The following TENM3 variants were observed in gnomAD, a reference collection of about 807,000 sequenced individuals.
The protein encoded by TENM3 is teneurin-3.
Under a neutral mutation model 255.1 loss-of-function variants are expected in TENM3, and 63 were observed. That is an observed-to-expected ratio of 0.25 (90% CI 0.20 to 0.30). The LOEUF (loss-of-function observed/expected upper bound fraction) is 0.30. TENM3 is among the 10% of genes least tolerant of loss of function. The pLI is 1.00. For synonymous variants in TENM3, 1,306 were observed against 1,322.3 expected, an observed-to-expected ratio of 0.99 and a Z score of 0.27; for missense variants, 2,929 against 3,461.1, an observed-to-expected ratio of 0.85 and a Z score of 3.86.
chr4:181,849,949 T>TCACACACACACACACACACACACACA, the TENM3 span, among the ~76,000 whole-genome samples: 1 of 65,906 alleles, frequency 1.5e-5, no homozygotes, highest in Non-Finnish European at 3.3e-5. Flanking sequence ...TCTCTCTCTC[T>TCACACACACACACACACACACACACA]CACACACACA....
At chr4:181,558,545 C>A in the TENM3 span, among the ~76,000 whole-genome samples, 5 of 152,146 alleles carry the variant, frequency 3.3e-5, no homozygotes, top group Non-Finnish European at 7.4e-5. Flanking sequence ...TTCCATAATC[C>A]ATGCAGACAG....
At chr4:182,428,777 G>A (rs1321345973) in intron 3 of TENM3, among the ~76,000 whole-genome samples, 1 of 152,036 alleles carries the variant, frequency 6.6e-6, no homozygotes, top group Non-Finnish European at 1.5e-5. Flanking sequence ...TCCTAGCACA[G>A]TATTTTAATT....
intron 4 of TENM3, among the ~76,000 whole-genome samples, chr4:182,620,047 G>A (rs2152450345): frequency 6.6e-6 from 1 of 152,240 alleles, no homozygotes; most frequent in South Asian, 2.1e-4. Flanking sequence ...TGGATGCCAG[G>A]TCAAAAGCAT....
the TENM3 span, among the ~76,000 whole-genome samples, chr4:181,827,416 G>C: frequency 6.6e-6 from 1 of 152,208 alleles, no homozygotes; most frequent in East Asian, 1.9e-4. Context: ...GGCAGAGCCA[G>C]AAGCCAGCGT....
rs147883443 is a variant in TENM3 at position 182,290,506 on chromosome 4, A to G, written c.-75-33440A>G. On this transcript the variant is annotated intron_variant, in intron 1 of 27. Transcript: ENST00000511685. ...GTCCCTAAAAAGCCTTTTAAATAGG[A>G]GGTTTTGTTTTAATTTGAGACAGTC... Among the ~76,000 whole-genome samples, 111 of 152,176 alleles carry G rather than the reference A, an allele frequency of 7.3e-4. 2 individuals carry two copies. The highest frequency in any genetic ancestry group is 2.6e-3 in the African/African-American group (106 of 41,516).
At chr4:182,480,117 ATAT>A (rs902363620) in intron 3 of TENM3, among the ~76,000 whole-genome samples, 1 of 152,002 alleles carries the variant, frequency 6.6e-6, no homozygotes, top group African/African-American at 2.4e-5. Flanking sequence ...ATTACGATCT[ATAT>A]TATTGTAGAA....
chr4:182,363,546 AT>A lies in TENM3; in HGVS notation c.511+16618del, dbSNP rs564485598. Reference sequence around the variant, plus strand: ...GCAATGTTCTTTTGCTTAAAAAAAAATGCATGTTTATAAACATAAAATTATA... The same window carrying A: ...GCAATGTTCTTTTGCTTAAAAAAAAAGCATGTTTATAAACATAAAATTATA... On this transcript the variant is annotated intron_variant, in intron 3 of 27. Coordinates refer to ENST00000511685, the MANE Select transcript of TENM3 (RefSeq NM_001080477.4). Among the ~76,000 whole-genome samples, 36 of 152,192 alleles carry A rather than the reference AT, an allele frequency of 2.4e-4. No individual in the cohort carries two copies. The South Asian group carries it at 7.3e-3, about 31-fold the overall frequency.
At chr4:181,664,477 A>T in the TENM3 span, among the ~76,000 whole-genome samples, 1 of 50,410 alleles carries the variant, frequency 2.0e-5, no homozygotes, top group Admixed American at 1.5e-4. Flanking sequence ...TCTAAAAAAT[A>T]AAAAAAAACA....
chr4:182,273,202 G>A (rs1223697965), intron 1 of TENM3, among the ~76,000 whole-genome samples: 1 of 152,222 alleles, frequency 6.6e-6, no homozygotes. Flanking sequence ...TGCCCTCTCA[G>A]TCGATCCCCC....
the TENM3 span, among the ~76,000 whole-genome samples, chr4:181,495,434 AT>A: frequency 6.6e-6 from 1 of 152,150 alleles, no homozygotes; most frequent in African/African-American, 2.4e-5. Flanking sequence ...GACCAGTGAG[AT>A]TCCCAAACAG....
At chr4:182,449,068 G>GAACCTT (rs771581048) in intron 3 of TENM3, 53 of 333,328 alleles carry the variant, frequency 1.6e-4, no homozygotes, top group Middle Eastern at 4.1e-4. Flanking sequence ...CCACAGCGAG[G>GAACCTT]GCGCGCCGCG....
the TENM3 span, among the ~76,000 whole-genome samples, chr4:182,032,470 T>A: frequency 6.6e-6 from 1 of 152,212 alleles, no homozygotes; most frequent in African/African-American, 2.4e-5. Flanking sequence ...TATGGAGGAC[T>A]TTTGCATCGA....
chr4:181,485,735 G>T, the TENM3 span, among the ~76,000 whole-genome samples: 1 of 152,092 alleles, frequency 6.6e-6, no homozygotes, highest in South Asian at 2.1e-4. Context: ...ATCACAGTTG[G>T]TGAACCAAGT....
intron 1 of TENM3, among the ~76,000 whole-genome samples, chr4:182,155,982 A>G (rs1182308553): frequency 6.7e-6 from 1 of 148,182 alleles, no homozygotes; most frequent in Non-Finnish European, 1.5e-5. Flanking sequence ...TCAGATTCTA[A>G]TCTTTGCTGT....
intron 3 of TENM3, among the ~76,000 whole-genome samples, chr4:182,457,575 T>TTTTTTTA (rs34637407): frequency 1.3e-5 from 2 of 149,556 alleles, no homozygotes; most frequent in African/African-American, 2.5e-5. Context: ...TTTTTTTTTT[T>TTTTTTTA]GAGGATAGAC....
the TENM3 span, among the ~76,000 whole-genome samples, chr4:181,696,737 G>C: frequency 3.3e-5 from 5 of 152,178 alleles, no homozygotes; most frequent in African/African-American, 9.7e-5. Context: ...TTCTATGTAC[G>C]AGGGGACTGA....
At chr4:182,645,135 A>G (rs891424935) in intron 5 of TENM3, among the ~76,000 whole-genome samples, 1 of 151,304 alleles carries the variant, frequency 6.6e-6, no homozygotes, top group African/African-American at 2.4e-5. Context: ...CAGTGACTTC[A>G]CTGCCCAGGC....
rs1397946301 is a variant in TENM3 at position 182,754,717 on chromosome 4, C to T, written c.4350C>T (p.Cys1450=). ...CCGGAATACCTTCAGAGTGTGACTG[C>T]AAAAATGATGCCAACTGTGACTGTT... ...LVAGIPSECD[C]KNDANCDCYQ... is the part of the protein sequence containing the mutation. The change falls in exon 22 of 28, where the codon TGC becomes TGT. Residue 1450 remains cysteine (C), a synonymous_variant. Transcript: ENST00000511685. This position sits in a 1 kb window ranked among gnomAD's most constrained non-coding sequence, Gnocchi z 5.1. 1 of 1,613,922 alleles carries T rather than the reference C, an allele frequency of 6.2e-7. No homozygotes were observed. The highest frequency in any genetic ancestry group is 8.5e-7 in the Non-Finnish European group (1 of 1,179,912).
At chr4:181,627,074 G>A in the TENM3 span, among the ~76,000 whole-genome samples, 2 of 152,124 alleles carry the variant, frequency 1.3e-5, no homozygotes, top group African/African-American at 4.8e-5. Context: ...TGACTCTAGT[G>A]GCTAATTAAG....
Sources: gnomAD v4.1 joint callset for allele counts (sites outside exome capture counted in the v4.1 genomes callset) on GRCh38, gnomAD v4.1.1 for gene constraint, Gnocchi (gnomAD v3.1) non-coding constraint, MANE v1.5 for transcripts, NCBI Gene and HGNC (gene_info 2026-07-23, HGNC 2026-07-21) for gene names.